Variants in ATXN1 observed in about 807,000 individuals in gnomAD.
ATXN1 encodes ataxin-1.
In ATXN1, 8 loss-of-function variants were observed where a neutral mutation model predicts 56.4. The observed-to-expected ratio is 0.14, with a 90% CI of 0.08 to 0.26. The LOEUF is 0.26. Ranked by LOEUF, ATXN1 falls within the 10% of genes least tolerant of loss-of-function variation. The pLI, the probability that ATXN1 is intolerant of heterozygous loss-of-function variation, is 1.00. For missense variants in ATXN1, 987 were observed against 1,106.5 expected, an observed-to-expected ratio of 0.89 and a Z score of 1.53; for synonymous variants, 514 against 494.6, an observed-to-expected ratio of 1.04 and a Z score of -0.52.
intron 4 of ATXN1, among the ~76,000 whole-genome samples, chr6:16,562,837 T>C (rs1269746499): frequency 6.6e-6 from 1 of 151,974 alleles, no homozygotes; most frequent in Admixed American, 6.6e-5. Context: ...AAGGGCTCCT[T>C]TAGTTTTTAA....
At chr6:16,338,680 T>C (rs572937674) in intron 6 of ATXN1, among the ~76,000 whole-genome samples, 183 of 152,176 alleles carry the variant, frequency 1.2e-3, no homozygotes, top group African/African-American at 4.1e-3. Flanking sequence ...TCAATAAACA[T>C]TTCCTCATGA....
intron 2 of ATXN1, among the ~76,000 whole-genome samples, chr6:16,710,537 C>A (rs977628412): frequency 7.2e-5 from 11 of 152,060 alleles, no homozygotes; most frequent in African/African-American, 2.4e-4. Context: ...TCAAGATTTA[C>A]CATAAAGCTA....
intron 6 of ATXN1, among the ~76,000 whole-genome samples, chr6:16,381,904 G>A (rs772806212): frequency 2.6e-5 from 4 of 152,174 alleles, no homozygotes; most frequent in African/African-American, 9.7e-5. Flanking sequence ...AGCCACTGAC[G>A]TTTCTATACT....
intron 3 of ATXN1, among the ~76,000 whole-genome samples, chr6:16,639,654 C>T (rs569409403): frequency 1.3e-5 from 2 of 152,144 alleles, no homozygotes; most frequent in East Asian, 3.8e-4. Context: ...TCCAAGGGGC[C>T]AGGGAAGTGC....
Position 16,440,649 on chromosome 6 carries a change from A to AAAAAAG in ATXN1, c.-161+45322_-161+45323insCTTTTT, listed in dbSNP as rs56105499. The stretch of plus-strand genomic sequence containing the variant: ...GAGTGAGACCCTGTCTTAAAAAAAA[A>AAAAAAG]AAAGAAAAGAAAAGAAAAAATTAAA... On this transcript the variant is annotated intron_variant, in intron 6 of 7. Coordinates refer to ENST00000436367, the MANE Select transcript of ATXN1 (RefSeq NM_001128164.2). Among the ~76,000 whole-genome samples, 20 of 113,700 alleles carry AAAAAAG rather than the reference A, an allele frequency of 1.8e-4. 2 individuals carry two copies. The highest frequency in any genetic ancestry group is 4.8e-4 in the African/African-American group (13 of 27,256). The allele number at this position is 113,700 out of a possible 152,430, so 74.6% of individuals were successfully genotyped here.
chr6:16,577,627 G>A (rs1175816363), intron 4 of ATXN1, among the ~76,000 whole-genome samples: 3 of 151,578 alleles, frequency 2.0e-5, no homozygotes, highest in Non-Finnish European at 4.4e-5. Context: ...GAAAAATTCT[G>A]TAAACATAGA....
chr6:16,757,206 T>G (rs1760912409), intron 1 of ATXN1, among the ~76,000 whole-genome samples: 1 of 152,234 alleles, frequency 6.6e-6, no homozygotes, highest in Non-Finnish European at 1.5e-5. Context: ...AGTCTAGTCG[T>G]AACATTTTTG....
At chr6:16,366,774 C>CT (rs1173622775) in intron 6 of ATXN1, among the ~76,000 whole-genome samples, 3 of 146,298 alleles carry the variant, frequency 2.1e-5, no homozygotes, top group African/African-American at 7.6e-5. Context: ...GAGTGAGACT[C>CT]TGTCTGAAAA....
In ATXN1 at chr6:16,619,189, C is replaced by T. The variant is rs1474247479; in HGVS notation, c.-488-33282G>A. On this transcript the variant is annotated intron_variant, in intron 3 of 7. Coordinates refer to ENST00000436367, the MANE Select transcript of ATXN1 (RefSeq NM_001128164.2). ...GTGCAGACACATGAACGTTCTTTGT[C>T]ATGGTTGGCAAGTGCTCAAGAAGAG... Among the ~76,000 whole-genome samples, 3 of 151,708 alleles carry T rather than the reference C, an allele frequency of 2.0e-5. No homozygotes were observed. In the East Asian group the frequency reaches 5.8e-4, roughly 29 times the overall value.
intron 4 of ATXN1, among the ~76,000 whole-genome samples, chr6:16,577,245 C>T (rs2299080): frequency 0.048 from 7,366 of 152,140 alleles, 235 homozygotes; most frequent in East Asian, 0.16. Flanking sequence ...GTGGTTTGGC[C>T]GGGCACGGTG....
At chr6:16,699,541 C>A (rs1237248073) in intron 2 of ATXN1, among the ~76,000 whole-genome samples, 1 of 152,118 alleles carries the variant, frequency 6.6e-6, no homozygotes, top group Non-Finnish European at 1.5e-5. Flanking sequence ...CACAGCTTTA[C>A]CTTTGACTCA....
chr6:16,396,549 A>C (rs1040133223), intron 6 of ATXN1, among the ~76,000 whole-genome samples: 5 of 152,250 alleles, frequency 3.3e-5, no homozygotes, highest in African/African-American at 1.2e-4. Context: ...AAGTTTATAA[A>C]GTAAAAAAGT....
At position 16,327,570 on chromosome 6, in the gene ATXN1, G is replaced by A. The variant is rs772985496; in HGVS notation, c.741C>T (p.Tyr247=). 52 of 1,602,942 alleles carry A rather than the reference G, an allele frequency of 3.2e-5. No homozygotes were observed. Among genetic ancestry groups the A allele is most frequent in the Non-Finnish European group, 3.4e-5 (40 of 1,175,226 alleles). ...TCTGCGGAGAACTGGAAATGTGGACGTACTGGTTCTGCTGGGCTGGTGGGG... is the reference window on the plus strand; with the variant it reads ...TCTGCGGAGAACTGGAAATGTGGACATACTGGTTCTGCTGGGCTGGTGGGG... ...GSPPPAQQNQ[Y]VHISSSPQNT... The change falls in exon 7 of 8, where the codon TAC becomes TAT. Residue 247 remains tyrosine (Y), a synonymous_variant. Transcript: ENST00000436367.
chr6:16,567,711 T>C (rs896936744), intron 4 of ATXN1, among the ~76,000 whole-genome samples: 2 of 151,988 alleles, frequency 1.3e-5, no homozygotes, highest in Non-Finnish European at 2.9e-5. Flanking sequence ...CCAGGACCAG[T>C]GTTCCGCCTT....
chr6:16,357,650 C>T (rs1317218311), intron 6 of ATXN1, among the ~76,000 whole-genome samples: 4 of 152,182 alleles, frequency 2.6e-5, no homozygotes, highest in African/African-American at 4.8e-5. Context: ...CCACTCTACA[C>T]CATGGCTCCC....
At chr6:16,345,325 G>T (rs909886984) in intron 6 of ATXN1, among the ~76,000 whole-genome samples, 1 of 152,132 alleles carries the variant, frequency 6.6e-6, no homozygotes, top group African/African-American at 2.4e-5. Context: ...TGCTATATGG[G>T]AAGGCCTCTA....
rs576417295 is a variant in ATXN1 at position 16,555,231 on chromosome 6, T to G, written c.-361+30549A>C. ...CCTGATGTGATACTCTTTCCATCCC[T>G]TGCTTCCTGTGCTCCACTTACAAAC... On this transcript the variant is annotated intron_variant, in intron 4 of 7. Coordinates refer to ENST00000436367, the MANE Select transcript of ATXN1 (RefSeq NM_001128164.2). 4.6e-5 allele frequency among the ~76,000 whole-genome samples: 7 copies of G among 152,338 alleles called. No homozygotes were observed. The East Asian group carries it at 1.3e-3, about 29-fold the overall frequency.
In ATXN1 at chr6:16,372,930, T is replaced by C. The variant is rs970538587; in HGVS notation, c.-160-44460A>G. Among the ~76,000 whole-genome samples, 5 of 144,396 alleles carry C rather than the reference T, an allele frequency of 3.5e-5. No individual in the cohort carries two copies. The East Asian group carries it at 8.1e-4, about 23-fold the overall frequency. 94.7% of individuals were successfully genotyped at this position (144,396 alleles called of 152,430 possible). Reference sequence around the variant, plus strand: ...CACTGTATCAAAATAAATAAATAAATAAATAAACAAACAAACAAACAAACA... The same window carrying C: ...CACTGTATCAAAATAAATAAATAAACAAATAAACAAACAAACAAACAAACA... On this transcript the variant is annotated intron_variant, in intron 6 of 7. Transcript: ENST00000436367.
chr6:16,405,520 A>AG (rs1453853322), intron 6 of ATXN1, among the ~76,000 whole-genome samples: 2 of 152,238 alleles, frequency 1.3e-5, no homozygotes, highest in Non-Finnish European at 2.9e-5. Flanking sequence ...AGCTGGGAGC[A>AG]AAGAGAAAAC....
Sources: gnomAD v4.1 joint callset for allele counts (sites outside exome capture counted in the v4.1 genomes callset) on GRCh38, gnomAD v4.1.1 for gene constraint, MANE v1.5 for transcripts, NCBI Gene and HGNC (gene_info 2026-07-23, HGNC 2026-07-21) for gene names.